RBFOX3: variants seen among roughly 807,000 people sequenced by gnomAD.
The protein encoded by RBFOX3 is RNA binding protein fox-1 homolog 3.
RBFOX3 carries 17 observed loss-of-function variants against 48.7 expected under a neutral mutation model. The observed-to-expected ratio is 0.35, with a 90% confidence interval of 0.24 to 0.52. The LOEUF is 0.52. Among genes scored for constraint, RBFOX3 ranks in the 20% least tolerant of loss-of-function variants. RBFOX3 has a pLI of 0.94. For synonymous variants in RBFOX3, 212 were observed against 209.5 expected (o/e 1.01, Z -0.10); for missense variants, 382 against 497.5 (o/e 0.77, Z 2.21).
In RBFOX3 at chr17:79,545,643, G is replaced by A. The variant is rs541250713; in HGVS notation, c.-319-63045C>T. On this transcript the variant is annotated intron_variant, in intron 1 of 14. Coordinates refer to ENST00000693108, the MANE Select transcript of RBFOX3 (RefSeq NM_001350451.2). ...AAACACTTCCAAGAAAACAAGAGGGGAGGCCTTACTTCTTTCCCCAGGGGA... is the reference window on the plus strand; with the variant it reads ...AAACACTTCCAAGAAAACAAGAGGGAAGGCCTTACTTCTTTCCCCAGGGGA... 7.2e-5 allele frequency among the ~76,000 whole-genome samples: 11 copies of A among 152,328 alleles called. No homozygotes were observed. The South Asian group carries it at 2.3e-3, about 32-fold the overall frequency.
At chr17:79,429,116 A>G (rs1229398277) in intron 2 of RBFOX3, among the ~76,000 whole-genome samples, 1 of 152,160 alleles carries the variant, frequency 6.6e-6, no homozygotes, top group Non-Finnish European at 1.5e-5. Context: ...CCCCAGGTCC[A>G]CGTGCTGTGC....
rs113537226 is a variant in RBFOX3, at chr17:79,440,146, C to G, written c.-175+42308G>C. 1.9e-3 allele frequency among the ~76,000 whole-genome samples: 287 copies of G among 152,302 alleles called. 1 individual carries two copies. Among genetic ancestry groups the G allele is most frequent in the Non-Finnish European group, 3.6e-3 (245 of 68,020 alleles). Reference sequence around the variant, plus strand: ...CTCAGGAGGCCTCTGTCACTTTCACCAGCCTTACCGAACAGAGATAAAGCC... The same window carrying G: ...CTCAGGAGGCCTCTGTCACTTTCACGAGCCTTACCGAACAGAGATAAAGCC... On this transcript the variant is annotated intron_variant, in intron 2 of 14. Transcript: ENST00000693108.
chr17:79,375,443 G>A (rs576589161), intron 2 of RBFOX3, among the ~76,000 whole-genome samples: 40 of 151,490 alleles, frequency 2.6e-4, no homozygotes, highest in African/African-American at 9.2e-4. Context: ...TGTATTTGGG[G>A]AGTGTTGAGG....
chr17:79,106,829 GC>G, intron 5 of RBFOX3, 41 bp from the exon 6 acceptor site: 2 of 1,481,452 alleles, frequency 1.4e-6, no homozygotes. Context: ...GCCTCTGTGT[GC>G]GGGGTTGCCC....
At chr17:79,620,650 G>C in the RBFOX3 span, among the ~76,000 whole-genome samples, 27 of 18,182 alleles carry the variant, frequency 1.5e-3, no homozygotes, top group Admixed American at 0.014. Flanking sequence ...CACACACACG[G>C]ACATGCACAC....
chr17:79,349,733 A>G (rs907898), intron 2 of RBFOX3, among the ~76,000 whole-genome samples: 17,584 of 151,878 alleles, frequency 0.12, 1,157 homozygotes, highest in East Asian at 0.21. Flanking sequence ...TCACAGCTCA[A>G]CAAAGATGCG....
intron 4 of RBFOX3, among the ~76,000 whole-genome samples, chr17:79,143,774 G>A (rs568775575): frequency 6.6e-6 from 1 of 152,336 alleles, no homozygotes; most frequent in South Asian, 2.1e-4. Flanking sequence ...GGTGGGTGGT[G>A]CCCTCGGAGC....
chr17:79,182,861 C>A (rs1347522501), intron 4 of RBFOX3, among the ~76,000 whole-genome samples: 1 of 151,228 alleles, frequency 6.6e-6, no homozygotes, highest in Non-Finnish European at 1.5e-5. Context: ...GCTTTCCCGA[C>A]GCTGCCAGGG....
At chr17:79,644,804 C>A in the RBFOX3 span, among the ~76,000 whole-genome samples, 1 of 152,128 alleles carries the variant, frequency 6.6e-6, no homozygotes, top group East Asian at 1.9e-4. Context: ...GCAGAGAATT[C>A]CATATTGCTA....
intron 1 of RBFOX3, among the ~76,000 whole-genome samples, chr17:79,604,883 G>A (rs1470608598): frequency 2.6e-5 from 4 of 152,164 alleles, no homozygotes; most frequent in Admixed American, 2.0e-4. Flanking sequence ...CAAACGATCC[G>A]GAGACATGAG....
At chr17:79,206,382 G>T (rs2057481888) in intron 4 of RBFOX3, among the ~76,000 whole-genome samples, 1 of 152,156 alleles carries the variant, frequency 6.6e-6, no homozygotes, top group South Asian at 2.1e-4. Flanking sequence ...CATCATCCCA[G>T]TGGTGCCCGA....
chr17:79,354,042 T>A (rs1233244546), intron 2 of RBFOX3, among the ~76,000 whole-genome samples: 5 of 152,188 alleles, frequency 3.3e-5, no homozygotes, highest in African/African-American at 4.8e-5. Context: ...GTGGGATGGA[T>A]GGGAAGGTAC....
At chr17:79,586,944 A>G (rs903940724) in intron 1 of RBFOX3, among the ~76,000 whole-genome samples, 20 of 152,226 alleles carry the variant, frequency 1.3e-4, no homozygotes, top group Non-Finnish European at 2.9e-4. Context: ...AATTCCAGGC[A>G]CAAATAAATG....
chr17:79,413,468 CA>C (rs1346482273), intron 2 of RBFOX3, among the ~76,000 whole-genome samples: 7 of 152,356 alleles, frequency 4.6e-5, no homozygotes, highest in Admixed American at 2.0e-4. Context: ...GGGCCCCCCA[CA>C]AACAGCAGGG....
chr17:79,213,459 G>A (rs774258674), intron 4 of RBFOX3, among the ~76,000 whole-genome samples: 2 of 152,222 alleles, frequency 1.3e-5, no homozygotes, highest in African/African-American at 2.4e-5. Context: ...ACAGCCAGAC[G>A]GGGGAGGGTG....
chr17:79,353,566 T>C (rs79206465), intron 2 of RBFOX3, among the ~76,000 whole-genome samples: 4,468 of 152,250 alleles, frequency 0.029, 244 homozygotes, highest in African/African-American at 0.1. Context: ...GAAATACCCA[T>C]CACTCATGCA....
At chr17:79,431,764 C>T (rs1262919149) in intron 2 of RBFOX3, among the ~76,000 whole-genome samples, 5 of 152,194 alleles carry the variant, frequency 3.3e-5, no homozygotes, top group African/African-American at 7.2e-5. Context: ...GGATTATAGG[C>T]GTGAGCCACA....
At chr17:79,564,119 C>G (rs1181332621) in intron 1 of RBFOX3, among the ~76,000 whole-genome samples, 1 of 152,200 alleles carries the variant, frequency 6.6e-6, no homozygotes, top group Non-Finnish European at 1.5e-5. Context: ...AAGGAAAGAA[C>G]CAGCATTTAA....
chr17:79,141,048 T>TG (rs1368498751), intron 4 of RBFOX3, among the ~76,000 whole-genome samples: 1 of 152,056 alleles, frequency 6.6e-6, no homozygotes, highest in East Asian at 1.9e-4. Context: ...GCTCTATACT[T>TG]GGAGAGTGCA....
Sources: allele counts gnomAD v4.1 joint callset (sites outside exome capture counted in the v4.1 genomes callset), GRCh38; gene constraint gnomAD v4.1.1; transcripts MANE v1.5; gene names NCBI Gene and HGNC (gene_info 2026-07-23, HGNC 2026-07-21).